The following XIRP2 variants were observed in gnomAD, a reference collection of about 807,000 sequenced individuals.
XIRP2 encodes the protein xin actin-binding repeat-containing protein 2.
XIRP2 carries 236 observed loss-of-function variants against 277.0 expected under a neutral mutation model. The observed-to-expected ratio is 0.85, with a 90% CI of 0.77 to 0.95. The LOEUF is 0.95. Among genes scored for constraint, XIRP2 ranks in the 40% least tolerant of loss-of-function variants. XIRP2 has a pLI of 0.00. For missense variants in XIRP2, 4,640 were observed against 4,157.5 expected (o/e 1.12, Z -3.19); for synonymous variants, 1,490 against 1,416.5 (o/e 1.05, Z -1.17).
intron 2 of XIRP2, among the ~76,000 whole-genome samples, chr2:166,934,076 C>A (rs559919331): frequency 1.3e-5 from 2 of 150,964 alleles, no homozygotes; most frequent in South Asian, 4.2e-4. Flanking sequence ...GTATTCAAGC[C>A]ATTGAGTAAG....
At chr2:167,257,824 C>G in intron 10 of XIRP2, 33 bp from the exon 11 acceptor site, 1 of 1,547,010 alleles carries the variant, frequency 6.5e-7, no homozygotes, top group Non-Finnish European at 8.7e-7. Context: ...ACAGTAAATA[C>G]GAACTGCTAA....
intron 2 of XIRP2, among the ~76,000 whole-genome samples, chr2:166,931,214 C>A (rs1290246145): frequency 6.6e-6 from 1 of 152,134 alleles, no homozygotes; most frequent in East Asian, 1.9e-4. Flanking sequence ...AATTGTAATG[C>A]AGTGAGACCT....
At chr2:166,969,087 C>T (rs1686504788) in intron 2 of XIRP2, among the ~76,000 whole-genome samples, 1 of 151,996 alleles carries the variant, frequency 6.6e-6, no homozygotes, top group Non-Finnish European at 1.5e-5. Context: ...ACTTTCTCCT[C>T]ATGGGAAAAT....
At chr2:166,968,141 G>C (rs750575694) in intron 2 of XIRP2, among the ~76,000 whole-genome samples, 21 of 151,944 alleles carry the variant, frequency 1.4e-4, no homozygotes, top group Admixed American at 1.3e-4. Context: ...ATTGTATGAA[G>C]ATGGAATGAG....
At position 167,036,356 on chromosome 2, in the gene XIRP2, C is replaced by A. The variant is rs531554889; in HGVS notation, c.409-99553C>A. 2.0e-5 allele frequency among the ~76,000 whole-genome samples: 3 copies of A among 152,310 alleles called. No homozygotes were observed. The South Asian group carries it at 6.2e-4, about 32-fold the overall frequency. Reference sequence around the variant, plus strand: ...GCAAAAGCACAGGGATAGAGCTCCCCAAGACCATGGGAATCCACCTCTTGC... The same window carrying A: ...GCAAAAGCACAGGGATAGAGCTCCCAAAGACCATGGGAATCCACCTCTTGC... On this transcript the variant is annotated intron_variant, in intron 2 of 10. Transcript: ENST00000409195.
At chr2:167,156,423 A>G (rs1351173897) in intron 3 of XIRP2, among the ~76,000 whole-genome samples, 4 of 152,306 alleles carry the variant, frequency 2.6e-5, no homozygotes, top group East Asian at 1.9e-4. Flanking sequence ...TTTAACAGCA[A>G]TTTAAAACAC....
chr2:167,108,628 A>G lies in XIRP2; in HGVS notation c.409-27281A>G, dbSNP rs1037971993. 2.8e-4 allele frequency among the ~76,000 whole-genome samples: 43 copies of G among 152,120 alleles called. 1 individual carries two copies. Among genetic ancestry groups the G allele is most frequent in the African/African-American group, 1.0e-3 (43 of 41,472 alleles). On this transcript the variant is annotated intron_variant, in intron 2 of 10. Transcript: ENST00000409195. ...TTAAATCCTTTTCAAATAAAGTGGA[A>G]TGGTAAATCGTTTACAAAGATCAGA...
At chr2:166,973,305 C>T (rs191228803) in intron 2 of XIRP2, among the ~76,000 whole-genome samples, 100 of 152,222 alleles carry the variant, frequency 6.6e-4, no homozygotes, top group Non-Finnish European at 1.3e-3. Flanking sequence ...TACATCATTG[C>T]CTAGAAAACA....
chr2:167,255,986 A>G (rs1253878122), intron 10 of XIRP2, among the ~76,000 whole-genome samples: 1 of 151,690 alleles, frequency 6.6e-6, no homozygotes, highest in Non-Finnish European at 1.5e-5. Context: ...TAACGATCTA[A>G]TTTTATTTTC....
rs1480765494 is a variant in XIRP2, at chr2:167,249,143, A to G, written c.7751A>G (p.Glu2584Gly). The G allele has an allele frequency of 2.5e-6, 4 of 1,613,786 alleles. No homozygotes were observed. Among genetic ancestry groups the G allele is most frequent in the Non-Finnish European group, 2.5e-6 (3 of 1,179,798 alleles). Residue 2584 changes from glutamate to glycine, a missense_variant, in exon 9 of 11, where the codon GAA (glutamate) becomes GGA (glycine). Transcript: ENST00000409195. Reference sequence around the variant, plus strand: ...CAAAATCAACACATAACAGAGGTGGAAAAGGAAATGCCATTACAAAAAACC... The same window carrying G: ...CAAAATCAACACATAACAGAGGTGGGAAAGGAAATGCCATTACAAAAAACC... ...QSQNQHITEV[E>G]KEMPLQKTNE...
chr2:167,153,709 T>G (rs1045804035), intron 3 of XIRP2, among the ~76,000 whole-genome samples: 8 of 151,978 alleles, frequency 5.3e-5, no homozygotes, highest in African/African-American at 1.9e-4. Context: ...ATTTCCAATT[T>G]CATCCATGTC....
At chr2:167,201,737 T>C (rs1693727664) in intron 3 of XIRP2, among the ~76,000 whole-genome samples, 1 of 152,206 alleles carries the variant, frequency 6.6e-6, no homozygotes, top group Admixed American at 6.5e-5. Context: ...ATCCTTAGAT[T>C]ATGCTGAAGT....
intron 3 of XIRP2, among the ~76,000 whole-genome samples, chr2:167,160,980 A>T (rs1315743863): frequency 6.6e-6 from 1 of 152,216 alleles, no homozygotes. Flanking sequence ...AATAAGAGAA[A>T]TTGGCCAAAA....
intron 2 of XIRP2, among the ~76,000 whole-genome samples, chr2:166,941,782 G>C (rs1345545468): frequency 1.3e-5 from 2 of 152,050 alleles, no homozygotes. Flanking sequence ...ATAAAAAGAA[G>C]AAATATTGAA....
At position 167,130,945 on chromosome 2, in the gene XIRP2, C is replaced by T. The variant is rs112704090; in HGVS notation, c.409-4964C>T. ...TGGTAGCCCTGCAGAGTTAATATTA[C>T]CAACTTCAAATGGGCCCCCAGTGCT... On this transcript the variant is annotated intron_variant, in intron 2 of 10. Coordinates refer to ENST00000409195, the MANE Select transcript of XIRP2 (RefSeq NM_152381.6). Among the ~76,000 whole-genome samples, 196 of 152,056 alleles carry T rather than the reference C, an allele frequency of 1.3e-3. 1 individual carries two copies. Among genetic ancestry groups the T allele is most frequent in the African/African-American group, 4.2e-3 (174 of 41,470 alleles).
chr2:166,942,896 A>G (rs1685757624), intron 2 of XIRP2, among the ~76,000 whole-genome samples: 1 of 152,186 alleles, frequency 6.6e-6, no homozygotes, highest in Non-Finnish European at 1.5e-5. Flanking sequence ...AATATTATAA[A>G]TTAAATTGAA....
chr2:167,123,513 G>A (rs1413630169), intron 2 of XIRP2, among the ~76,000 whole-genome samples: 1 of 151,836 alleles, frequency 6.6e-6, no homozygotes, highest in Non-Finnish European at 1.5e-5. Flanking sequence ...TTTTTGTTTT[G>A]TTTTGTTTTG....
intron 2 of XIRP2, among the ~76,000 whole-genome samples, chr2:167,075,808 A>ATTTTTTTTT (rs5836132): frequency 7.1e-6 from 1 of 141,246 alleles, no homozygotes; most frequent in Non-Finnish European, 1.6e-5. Context: ...TGCCCAGCTA[A>ATTTTTTTTT]TTTTTTTTTT....
intron 2 of XIRP2, among the ~76,000 whole-genome samples, chr2:167,006,933 A>G (rs918381198): frequency 6.6e-6 from 1 of 151,708 alleles, no homozygotes; most frequent in African/African-American, 2.4e-5. Context: ...TAATCTAGAA[A>G]AGTAATGAAA....
Sources: allele counts gnomAD v4.1 joint callset (sites outside exome capture counted in the v4.1 genomes callset), GRCh38; gene constraint gnomAD v4.1.1; transcripts MANE v1.5; gene names NCBI Gene and HGNC (gene_info 2026-07-23, HGNC 2026-07-21).